Variants in LPP observed in about 807,000 individuals in gnomAD.
The protein encoded by LPP is LIM domain containing preferred translocation partner in lipoma.
Under a neutral mutation model 60.4 loss-of-function variants are expected in LPP, and 38 were observed. That is an observed-to-expected ratio of 0.63 (90% CI 0.49 to 0.83). The LOEUF (loss-of-function observed/expected upper bound fraction) is 0.83, where lower values mean the gene tolerates loss of function less well. Ranked by LOEUF, LPP falls within the 40% of genes least tolerant of loss-of-function variation. The probability of loss-of-function intolerance (pLI) is 0.00; values close to 1 mark genes in which losing one functional copy is unlikely to be tolerated. For synonymous variants in LPP, 328 were observed against 290.8 expected, an observed-to-expected ratio of 1.13 and a Z score of -1.30; for missense variants, 902 against 783.6, an observed-to-expected ratio of 1.15 and a Z score of -1.80.
At chr3:188,601,218 G>A (rs528028610) in intron 6 of LPP, among the ~76,000 whole-genome samples, 3 of 151,920 alleles carry the variant, frequency 2.0e-5, no homozygotes, top group African/African-American at 7.3e-5. Flanking sequence ...TGACTATACT[G>A]TAATGTATAT....
At position 188,884,683 on chromosome 3, in the gene LPP, T is replaced by C. The variant is rs1456641716; in HGVS notation, c.*10204T>C. The C allele has an allele frequency of 4.4e-6, 1 of 228,214 alleles. No individual in the cohort carries two copies. The highest frequency in any genetic ancestry group is 8.7e-6 in the Non-Finnish European group (1 of 114,984). 14.1% of individuals were successfully genotyped at this position (228,214 alleles called of 1,614,324 possible). On this transcript the variant is annotated 3_prime_UTR_variant, in exon 12 of 12. Coordinates refer to ENST00000617246, the MANE Select transcript of LPP (RefSeq NM_001375462.1). ...ATATCATTTAGAATTCATTGGCATGTAGAGGTGACTCGATTCCTAAAAGAA... is the reference window on the plus strand; with the variant it reads ...ATATCATTTAGAATTCATTGGCATGCAGAGGTGACTCGATTCCTAAAAGAA...
chr3:188,241,548 G>C, intron 2 of LPP, among the ~76,000 whole-genome samples: 1 of 152,220 alleles, frequency 6.6e-6, no homozygotes, highest in African/African-American at 2.4e-5. Context: ...TTTCCTGCTT[G>C]TATCTGTAAC....
intron 4 of LPP, among the ~76,000 whole-genome samples, chr3:188,445,745 G>A (rs1795082535): frequency 6.6e-6 from 1 of 152,032 alleles, no homozygotes; most frequent in South Asian, 2.1e-4. Flanking sequence ...AATAAGCAAT[G>A]ACCAAAGTAT....
intron 6 of LPP, among the ~76,000 whole-genome samples, chr3:188,555,703 A>G (rs970352342): frequency 6.6e-6 from 1 of 152,122 alleles, no homozygotes; most frequent in South Asian, 2.1e-4. Context: ...TGTTTAGAAG[A>G]GAAAGGAGAA....
At position 188,889,418 on chromosome 3, in the gene LPP, G is replaced by A. The variant is rs1316430457; in HGVS notation, c.*14939G>A. 1 of 231,636 alleles carries A rather than the reference G, an allele frequency of 4.3e-6. No individual in the cohort carries two copies. Among genetic ancestry groups the A allele is most frequent in the Non-Finnish European group, 8.5e-6 (1 of 117,054 alleles). 14.3% of individuals were successfully genotyped at this position (231,636 alleles called of 1,614,324 possible). ...CAAAAAAGATCGTTCTCAATGTGTC[G>A]TCTGACTCAACCAGCTGGCAGATTA... On this transcript the variant is annotated 3_prime_UTR_variant, in exon 12 of 12. Transcript: ENST00000617246.
chr3:188,244,398 C>T (rs1726116210), intron 2 of LPP, among the ~76,000 whole-genome samples: 1 of 152,144 alleles, frequency 6.6e-6, no homozygotes, highest in East Asian at 1.9e-4. Context: ...GGGAGAGGCA[C>T]CAGTCTAGTG....
At chr3:188,757,894 T>TTGTTTTTTG (rs1247421740) in intron 8 of LPP, among the ~76,000 whole-genome samples, 1 of 145,994 alleles carries the variant, frequency 6.8e-6, no homozygotes, top group African/African-American at 2.6e-5. Flanking sequence ...TTTTGGTTTT[T>TTGTTTTTTG]TTTTTTTTTT....
rs1769952256 is a variant in LPP, at chr3:188,881,139, C to CAAAAATAAAAAAAAAAAAA, written c.*6665_*6666insTAAAAAAAAAAAAAAAAAA. 1 of 72,388 alleles carries CAAAAATAAAAAAAAAAAAA rather than the reference C, an allele frequency of 1.4e-5. No homozygotes were observed. The allele number at this position is 72,388 out of a possible 1,614,324, so 4.5% of individuals were successfully genotyped here. On this transcript the variant is annotated 3_prime_UTR_variant, in exon 12 of 12. Transcript: ENST00000617246. ...TGGGCGAAAGAGCGAGACTCCGTCT[C>CAAAAATAAAAAAAAAAAAA]AAAAAAAAAAAAAAAAAAATAGGAT...
At chr3:188,621,765 T>C (rs188875605) in intron 7 of LPP, among the ~76,000 whole-genome samples, 2 of 152,170 alleles carry the variant, frequency 1.3e-5, no homozygotes, top group Non-Finnish European at 2.9e-5. Flanking sequence ...GTTCAAGTGA[T>C]TCTCCTGCCT....
intron 7 of LPP, among the ~76,000 whole-genome samples, chr3:188,634,241 T>C (rs1183915885): frequency 6.6e-6 from 1 of 152,248 alleles, no homozygotes; most frequent in African/African-American, 2.4e-5. Context: ...GGCGTTTATA[T>C]AGTATCTGGC....
intron 9 of LPP, among the ~76,000 whole-genome samples, chr3:188,822,619 C>G (rs1037190328): frequency 6.6e-6 from 1 of 152,282 alleles, no homozygotes; most frequent in Non-Finnish European, 1.5e-5. Context: ...TTGATAACCT[C>G]ATAAACACAT....
At position 188,371,616 on chromosome 3, in the gene LPP, AAT is replaced by A. The variant is rs57935178; in HGVS notation, c.-10+29922_-10+29923del. Reference sequence around the variant, plus strand: ...CAGAGGAAAGACTGAGTGGTGGGAAAATATATATATATATATATATATATATT... The same window carrying A: ...CAGAGGAAAGACTGAGTGGTGGGAAAATATATATATATATATATATATATT... On this transcript the variant is annotated intron_variant, in intron 3 of 11. Transcript: ENST00000617246. Among the ~76,000 whole-genome samples the A allele has an allele frequency of 2.3e-3, 57 of 24,382 alleles. 1 individual carries two copies. Among genetic ancestry groups the A allele is most frequent in the East Asian group, 8.8e-3 (3 of 342 alleles). The allele number at this position is 24,382 out of a possible 152,430, so 16.0% of individuals were successfully genotyped here. A position where few individuals can be genotyped will look rare whatever the true frequency, so the allele number is the denominator to read the frequency against.
chr3:188,862,625 G>A (rs1284999552), intron 9 of LPP, among the ~76,000 whole-genome samples: 2 of 151,410 alleles, frequency 1.3e-5, no homozygotes, highest in African/African-American at 2.4e-5. Context: ...CAGTCACAAA[G>A]CACGCTACTG....
At position 188,847,299 on chromosome 3, in the gene LPP, A is replaced by T. The variant is rs528340577; in HGVS notation, c.1411-18901A>T. On this transcript the variant is annotated intron_variant, in intron 9 of 11. Coordinates refer to ENST00000617246, the MANE Select transcript of LPP (RefSeq NM_001375462.1). ...AGTTGTACTGTCAGGACTGATGAAAACCTAAACTAAGGTGGAAGCCTTGAG... is the reference window on the plus strand; with the variant it reads ...AGTTGTACTGTCAGGACTGATGAAATCCTAAACTAAGGTGGAAGCCTTGAG... 1.4e-4 allele frequency among the ~76,000 whole-genome samples: 22 copies of T among 152,250 alleles called. 2 individuals carry two copies. The South Asian group carries it at 4.6e-3, about 32-fold the overall frequency.
At chr3:188,496,682 T>C (rs1810325712) in intron 5 of LPP, among the ~76,000 whole-genome samples, 1 of 152,180 alleles carries the variant, frequency 6.6e-6, no homozygotes, top group Non-Finnish European at 1.5e-5. Flanking sequence ...TTTATATTCA[T>C]TTTTAGTGAA....
intron 2 of LPP, among the ~76,000 whole-genome samples, chr3:188,336,786 C>T (rs968190348): frequency 2.6e-5 from 4 of 152,074 alleles, no homozygotes; most frequent in East Asian, 3.9e-4. Context: ...TCAGATCAGC[C>T]CAGCCACTGC....
intron 8 of LPP, among the ~76,000 whole-genome samples, chr3:188,752,993 CTTTCCCTG>C (rs1208582464): frequency 6.6e-6 from 1 of 152,216 alleles, no homozygotes; most frequent in African/African-American, 2.4e-5. Flanking sequence ...GGCCCTTCCT[CTTTCCCTG>C]CAGGTGTTAA....
intron 2 of LPP, among the ~76,000 whole-genome samples, chr3:188,281,878 C>T (rs1447306011): frequency 6.6e-6 from 1 of 152,094 alleles, no homozygotes; most frequent in Non-Finnish European, 1.5e-5. Context: ...CATGAAATAT[C>T]ATGACTACAA....
intron 7 of LPP, among the ~76,000 whole-genome samples, chr3:188,636,472 CT>C (rs1208146725): frequency 6.6e-6 from 1 of 152,128 alleles, no homozygotes; most frequent in Non-Finnish European, 1.5e-5. Context: ...TGCAGCAAGA[CT>C]GGGGGAGGGG....
Sources: allele counts gnomAD v4.1 joint callset (sites outside exome capture counted in the v4.1 genomes callset), GRCh38; gene constraint gnomAD v4.1.1; transcripts MANE v1.5; gene names NCBI Gene and HGNC (gene_info 2026-07-23, HGNC 2026-07-21).